Variants in RAB11FIP3 observed in about 807,000 individuals in gnomAD.
RAB11FIP3 encodes rab11 family-interacting protein 3.
A neutral mutation model predicts 77.8 loss-of-function variants in RAB11FIP3; 17 were observed. The observed-to-expected ratio is 0.22, with a 90% confidence interval of 0.15 to 0.33. The LOEUF (loss-of-function observed/expected upper bound fraction) is 0.33. Ranked by LOEUF, RAB11FIP3 falls within the 10% of genes least tolerant of loss-of-function variation. RAB11FIP3 has a pLI of 1.00. For missense variants in RAB11FIP3, 1,005 were observed against 1,011.2 expected (o/e 0.99, Z 0.08); for synonymous variants, 437 against 448.2 (o/e 0.98, Z 0.31).
rs74000595 is a variant in RAB11FIP3, at chr16:443,065, G to A, written c.714+16345G>A. On this transcript the variant is annotated intron_variant, in intron 1 of 13. Coordinates refer to ENST00000262305, the MANE Select transcript of RAB11FIP3 (RefSeq NM_014700.4). The stretch of plus-strand genomic sequence containing the variant: ...TGGTGAGGAGAGAAGAAGCCATGAA[G>A]ACATTTCCTCTTGGTGATTTAATTT... Among the ~76,000 whole-genome samples the A allele has an allele frequency of 3.9e-3, 596 of 152,242 alleles. 2 individuals are homozygous for A. Among genetic ancestry groups the A allele is most frequent in the African/African-American group, 0.014 (582 of 41,552 alleles).
chr16:510,814 A>G lies in RAB11FIP3; in HGVS notation c.1640+14A>G, dbSNP rs1480860380. On this transcript the variant is annotated intron_variant, in intron 9 of 13. Transcript: ENST00000262305. The stretch of plus-strand genomic sequence containing the variant: ...CCTGCAGACCAGGTAGGCGGTTCCC[A>G]ACAGCCCATCCACCCCAGAACCTGC... The G allele has an allele frequency of 2.5e-6, 4 of 1,611,246 alleles. No homozygotes were observed. The highest frequency in any genetic ancestry group is 4.5e-5 in the East Asian group (2 of 44,794).
intron 1 of RAB11FIP3, among the ~76,000 whole-genome samples, chr16:436,317 A>C (rs7204558): frequency 0.018 from 2,772 of 152,220 alleles, 101 homozygotes; most frequent in African/African-American, 0.063. Context: ...TCAAAGAAGA[A>C]GAAAAGAGAT....
At chr16:488,494 G>C (rs973143435) in intron 4 of RAB11FIP3, among the ~76,000 whole-genome samples, 3 of 151,930 alleles carry the variant, frequency 2.0e-5, no homozygotes, top group East Asian at 1.9e-4. Flanking sequence ...CTGCAGCCTT[G>C]GCCTCCCAGG....
At chr16:446,808 C>T (rs1050940131) in intron 1 of RAB11FIP3, among the ~76,000 whole-genome samples, 1 of 152,020 alleles carries the variant, frequency 6.6e-6, no homozygotes, top group Non-Finnish European at 1.5e-5. Flanking sequence ...TCACGCAATT[C>T]TCCTGCCTCA....
chr16:435,917 T>A (rs1455905981), intron 1 of RAB11FIP3, among the ~76,000 whole-genome samples: 1 of 152,248 alleles, frequency 6.6e-6, no homozygotes, highest in East Asian at 1.9e-4. Context: ...AATTTGCATC[T>A]GCAGATGCTT....
chr16:493,251 CA>C (rs71139788), intron 5 of RAB11FIP3, among the ~76,000 whole-genome samples: 2,384 of 102,368 alleles, frequency 0.023, 19 homozygotes, highest in African/African-American at 0.046. Context: ...ACTCTGACTC[CA>C]AAAAAAAAAA....
intron 6 of RAB11FIP3, among the ~76,000 whole-genome samples, chr16:499,995 G>T (rs921061891): frequency 6.6e-6 from 1 of 152,214 alleles, no homozygotes; most frequent in Non-Finnish European, 1.5e-5. Flanking sequence ...ACAGTTCTCA[G>T]CCCTTCGCGC....
chr16:459,801 T>C (rs1360369738), intron 1 of RAB11FIP3, among the ~76,000 whole-genome samples: 1 of 151,922 alleles, frequency 6.6e-6, no homozygotes, highest in Non-Finnish European at 1.5e-5. Context: ...CATGTGGTTA[T>C]CAACCATTCA....
chr16:488,415 T>A (rs895236581), intron 4 of RAB11FIP3, among the ~76,000 whole-genome samples: 4 of 54,592 alleles, frequency 7.3e-5, no homozygotes, highest in African/African-American at 1.6e-4. Flanking sequence ...TATTTATTTA[T>A]TTTTTTTTTT....
At chr16:465,295 A>T (rs2055682822) in intron 2 of RAB11FIP3, among the ~76,000 whole-genome samples, 1 of 152,090 alleles carries the variant, frequency 6.6e-6, no homozygotes, top group African/African-American at 2.4e-5. Flanking sequence ...TGGGGCTGAG[A>T]TGGGTGCATG....
At chr16:491,801 G>A (rs1001268760) in intron 5 of RAB11FIP3, among the ~76,000 whole-genome samples, 1 of 152,162 alleles carries the variant, frequency 6.6e-6, no homozygotes, top group Non-Finnish European at 1.5e-5. Flanking sequence ...CGTGCCCGTT[G>A]GGCATCGTGT....
Position 496,845 on chromosome 16 carries a change from CAAG to C in RAB11FIP3, c.1291_1293del (p.Lys431del). ...ACAGTCCGACAAAGCGGCTCTCCAG[CAAG>C]AAGGTGGCAAGGTAGGTGGGTCTCT... On this transcript the variant is annotated inframe_deletion, in exon 6 of 14. Coordinates refer to ENST00000262305, the MANE Select transcript of RAB11FIP3 (RefSeq NM_014700.4). The C allele has an allele frequency of 6.3e-7, 1 of 1,595,606 alleles. No individual in the cohort carries two copies. Among genetic ancestry groups the C allele is most frequent in the East Asian group, 2.2e-5 (1 of 44,774 alleles).
At chr16:484,173 C>T (rs2056103618) in intron 4 of RAB11FIP3, among the ~76,000 whole-genome samples, 1 of 152,162 alleles carries the variant, frequency 6.6e-6, no homozygotes, top group Non-Finnish European at 1.5e-5. Context: ...GTTTTTCAAA[C>T]TGACCATTCC....
At chr16:499,554 T>C (rs564718934) in intron 6 of RAB11FIP3, among the ~76,000 whole-genome samples, 1 of 152,262 alleles carries the variant, frequency 6.6e-6, no homozygotes, top group South Asian at 2.1e-4. Flanking sequence ...TCCCAGCACA[T>C]TGGGAAGCCA....
At chr16:515,791 T>C (rs2032388435) in intron 9 of RAB11FIP3, among the ~76,000 whole-genome samples, 1 of 152,104 alleles carries the variant, frequency 6.6e-6, no homozygotes, top group Non-Finnish European at 1.5e-5. Flanking sequence ...GGGGTTTGCA[T>C]CTTGGTACAT....
chr16:517,537 T>TGGGTAACA (rs1404909790), intron 9 of RAB11FIP3, among the ~76,000 whole-genome samples: 1 of 151,738 alleles, frequency 6.6e-6, no homozygotes, highest in African/African-American at 2.4e-5. Context: ...CAGTGCACTC[T>TGGGTAACA]GGGTAACAGA....
intron 1 of RAB11FIP3, among the ~76,000 whole-genome samples, chr16:431,759 ATT>A (rs765013817): frequency 2.2e-5 from 3 of 139,298 alleles, no homozygotes; most frequent in Non-Finnish European, 3.1e-5. Context: ...TAGAAGCTAA[ATT>A]TTTTTTTTTT....
intron 2 of RAB11FIP3, among the ~76,000 whole-genome samples, chr16:464,124 G>A (rs1468613345): frequency 6.6e-6 from 1 of 152,138 alleles, no homozygotes; most frequent in Non-Finnish European, 1.5e-5. Flanking sequence ...TCTGGGTCAA[G>A]GGGGCCTGCA....
chr16:426,147 C>T lies in RAB11FIP3; in HGVS notation c.141C>T (p.Gly47=). 1 of 1,013,720 alleles carries T rather than the reference C, an allele frequency of 9.9e-7. No homozygotes were observed. The highest frequency in any genetic ancestry group is 9.5e-5 in the East Asian group (1 of 10,478). The allele number at this position is 1,013,720 out of a possible 1,614,324, so 62.8% of individuals were successfully genotyped here. The change falls in exon 1 of 14, where the codon GGC becomes GGT. Residue 47 remains glycine (G), a synonymous_variant. Transcript: ENST00000262305. This position sits in a 1 kb window ranked among gnomAD's most constrained non-coding sequence, Gnocchi z 5.0. ...TACGCCTCGGAGCGCCCGTCGGCGG[C>T]CCCGACCCGCAGTCCCCGGGCCTGG... is the stretch of plus-strand genomic sequence containing the variant. ...AELRLGAPVG[G]PDPQSPGLDE...
Sources: gnomAD v4.1 joint callset for allele counts (sites outside exome capture counted in the v4.1 genomes callset) on GRCh38, gnomAD v4.1.1 for gene constraint, Gnocchi (gnomAD v3.1) non-coding constraint, MANE v1.5 for transcripts, NCBI Gene and HGNC (gene_info 2026-07-23, HGNC 2026-07-21) for gene names.